Variants in ATF7IP observed in about 807,000 individuals in gnomAD.
The protein encoded by ATF7IP is activating transcription factor 7-interacting protein 1.
A neutral mutation model predicts 106.4 loss-of-function variants in ATF7IP; 23 were observed. The ratio of observed to expected loss-of-function variants is 0.22; its 90% CI spans 0.16 to 0.31. ATF7IP has a LOEUF of 0.31. Ranked by LOEUF, ATF7IP falls within the 10% of genes least tolerant of loss-of-function variation. ATF7IP has a pLI of 1.00. For missense variants in ATF7IP, 1,334 were observed against 1,524.3 expected (o/e 0.88, Z 2.08); for synonymous variants, 542 against 539.0 (o/e 1.01, Z -0.08).
chr12:14,460,793 G>A lies in ATF7IP; in HGVS notation c.2457G>A (p.Val819=). ...QPSGNVEFIS[V]QSPPTVSGLT... is the part of the protein sequence containing the mutation. ...CTGGCAATGTTGAATTCATTTCTGT[G>A]CAAAGCCCACCTACAGTGAGTGGTC... The change falls in exon 9 of 15, where the codon GTG becomes GTA. Residue 819 remains valine (V), a synonymous_variant. Coordinates refer to ENST00000261168, the MANE Select transcript of ATF7IP (RefSeq NM_018179.5). 1.9e-6 allele frequency: 3 copies of A among 1,614,160 alleles called. No individual in the cohort carries two copies. Among genetic ancestry groups the A allele is most frequent in the Non-Finnish European group, 2.5e-6 (3 of 1,180,026 alleles).
Position 14,461,008 on chromosome 12 carries a change from C to T in ATF7IP, c.2672C>T (p.Thr891Ile), listed in dbSNP as rs771579995. 1.2e-6 allele frequency: 2 copies of T among 1,614,174 alleles called. No individual in the cohort carries two copies. Among genetic ancestry groups the T allele is most frequent in the Admixed American group, 3.3e-5 (2 of 60,012 alleles). Reference sequence around the variant, plus strand: ...CAAGCCACAAGGACTTCTTTACCCACAGTGGGCCCATCAGGACTCTATAGT... The same window carrying T: ...CAAGCCACAAGGACTTCTTTACCCATAGTGGGCCCATCAGGACTCTATAGT... ...IVQATRTSLPTVGPSGLYSPS... is the reference protein window; with the variant it reads ...IVQATRTSLPIVGPSGLYSPS... Residue 891 changes from threonine to isoleucine, a missense_variant, in exon 9 of 15, where the codon ACA (threonine) becomes ATA (isoleucine). By Grantham distance (89) the Thr-to-Ile change is moderately conservative (BLOSUM62 -1). Coordinates refer to ENST00000261168, the MANE Select transcript of ATF7IP (RefSeq NM_018179.5).
chr12:14,396,733 A>G (rs1298623625), intron 1 of ATF7IP, among the ~76,000 whole-genome samples: 1 of 152,160 alleles, frequency 6.6e-6, no homozygotes, highest in Non-Finnish European at 1.5e-5. Context: ...ATATAGACAA[A>G]GAGAAAAAGA....
intron 1 of ATF7IP, chr12:14,385,260 C>A: frequency 1.4e-6 from 1 of 737,722 alleles, no homozygotes; most frequent in Non-Finnish European, 2.1e-6. Flanking sequence ...TTCTTGAGTG[C>A]ACATTGCAGC....
chr12:14,461,366 T>TA (rs1368593694), intron 9 of ATF7IP, among the ~76,000 whole-genome samples: 1 of 152,204 alleles, frequency 6.6e-6, no homozygotes, highest in African/African-American at 2.4e-5. Context: ...TATCTTTTAG[T>TA]AATTTTCCTA....
intron 1 of ATF7IP, among the ~76,000 whole-genome samples, chr12:14,422,911 G>A (rs1941610862): frequency 6.6e-6 from 1 of 152,130 alleles, no homozygotes; most frequent in African/African-American, 2.4e-5. Flanking sequence ...CTTGGGAAAT[G>A]AATGGAATGG....
At chr12:14,378,927 T>A (rs756342155) in intron 1 of ATF7IP, among the ~76,000 whole-genome samples, 13 of 152,208 alleles carry the variant, frequency 8.5e-5, no homozygotes, top group Non-Finnish European at 1.8e-4. Context: ...GCAGCAAAAA[T>A]CTTGACTCAC....
chr12:14,497,917 C>T lies in ATF7IP; in HGVS notation c.3657C>T (p.Val1219=). Reference sequence around the variant, plus strand: ...CACAATGGAAAAAGATTGGGGAAGTCAAGGCACTTCCCTTGCCCATGGCAT... The same window carrying T: ...CACAATGGAAAAAGATTGGGGAAGTTAAGGCACTTCCCTTGCCCATGGCAT... ...VPSQWKKIGE[V]KALPLPMACT... is the part of the protein sequence containing the mutation. The change falls in exon 15 of 15, where the codon GTC becomes GTT. Residue 1219 remains valine (V), a synonymous_variant. Coordinates refer to ENST00000261168, the MANE Select transcript of ATF7IP (RefSeq NM_018179.5). 5 of 1,614,200 alleles carry T rather than the reference C, an allele frequency of 3.1e-6. No individual in the cohort carries two copies. Among genetic ancestry groups the T allele is most frequent in the African/African-American group, 1.3e-5 (1 of 75,062 alleles).
chr12:14,446,166 G>T (rs1323362743), intron 5 of ATF7IP, among the ~76,000 whole-genome samples: 1 of 148,122 alleles, frequency 6.8e-6, no homozygotes, highest in Admixed American at 6.7e-5. Flanking sequence ...TTTTTTTTTT[G>T]AGACAGAGTC....
At chr12:14,394,652 T>C (rs2136443982) in intron 1 of ATF7IP, among the ~76,000 whole-genome samples, 1 of 152,344 alleles carries the variant, frequency 6.6e-6, no homozygotes, top group Non-Finnish European at 1.5e-5. Context: ...GTCATGGATT[T>C]TCTGTTTGGA....
intron 6 of ATF7IP, among the ~76,000 whole-genome samples, chr12:14,451,282 G>C (rs1326557088): frequency 2.0e-5 from 3 of 151,514 alleles, no homozygotes; most frequent in Non-Finnish European, 4.4e-5. Flanking sequence ...AAAGTCATCT[G>C]TTTTGTTAGT....
chr12:14,379,711 T>G lies in ATF7IP; in HGVS notation c.-8+13884T>G, dbSNP rs186544398. ...CTGGGTATAGAACTCTAGGTTGAAATTCTTTTCCTTCAGAATTTTAAAGAC... is the reference window on the plus strand; with the variant it reads ...CTGGGTATAGAACTCTAGGTTGAAAGTCTTTTCCTTCAGAATTTTAAAGAC... On this transcript the variant is annotated intron_variant, in intron 1 of 14. Coordinates refer to ENST00000261168, the MANE Select transcript of ATF7IP (RefSeq NM_018179.5). Among the ~76,000 whole-genome samples, 14 of 152,304 alleles carry G rather than the reference T, an allele frequency of 9.2e-5. No homozygotes were observed. In the South Asian group the frequency reaches 1.4e-3, roughly 16 times the overall value.
Position 14,424,857 on chromosome 12 carries a change from T to C in ATF7IP, c.942T>C (p.Asp314=). 1 of 1,612,206 alleles carries C rather than the reference T, an allele frequency of 6.2e-7. No individual in the cohort carries two copies. Among genetic ancestry groups the C allele is most frequent in the East Asian group, 2.2e-5 (1 of 44,874 alleles). The part of the protein sequence containing the change: ...DNIEPSSNKD[D]DFLEKNGADE... ...TAGAACCAAGTAGCAATAAAGATGA[T>C]GATTTTCTTGAAAAAAATGGAGCTG... The change falls in exon 2 of 15, where the codon GAT becomes GAC. Residue 314 remains aspartate, a synonymous_variant. Coordinates refer to ENST00000261168, the MANE Select transcript of ATF7IP (RefSeq NM_018179.5).
At chr12:14,490,025 C>T (rs1469993643) in intron 13 of ATF7IP, among the ~76,000 whole-genome samples, 5 of 152,208 alleles carry the variant, frequency 3.3e-5, no homozygotes, top group South Asian at 2.1e-4. Context: ...ATGGCATGCC[C>T]GAGCGAGGGC....
At chr12:14,374,310 T>C (rs892320040) in intron 1 of ATF7IP, among the ~76,000 whole-genome samples, 4 of 147,090 alleles carry the variant, frequency 2.7e-5, no homozygotes, top group African/African-American at 1.0e-4. Flanking sequence ...ATGGGGGTCT[T>C]GCCTTGTTGC....
intron 11 of ATF7IP, among the ~76,000 whole-genome samples, chr12:14,477,145 T>A (rs974370190): frequency 6.6e-6 from 1 of 152,200 alleles, no homozygotes; most frequent in African/African-American, 2.4e-5. Flanking sequence ...CTGAGTTACT[T>A]CTTATTATCT....
chr12:14,369,919 A>C (rs748644208), intron 1 of ATF7IP, among the ~76,000 whole-genome samples: 10 of 151,208 alleles, frequency 6.6e-5, no homozygotes, highest in Non-Finnish European at 1.2e-4. Context: ...ACACAATTTT[A>C]TGTAAGTCTG....
At chr12:14,428,245 G>A (rs192552350) in intron 2 of ATF7IP, among the ~76,000 whole-genome samples, 1 of 152,268 alleles carries the variant, frequency 6.6e-6, no homozygotes, top group East Asian at 1.9e-4. Flanking sequence ...TCCCACACAA[G>A]GCAGTTAAGT....
chr12:14,402,525 A>G (rs1224232247), intron 1 of ATF7IP, among the ~76,000 whole-genome samples: 1 of 150,730 alleles, frequency 6.6e-6, no homozygotes, highest in Non-Finnish European at 1.5e-5. Flanking sequence ...TTTTTTTTAC[A>G]TTGAGTCTTA....
intron 1 of ATF7IP, among the ~76,000 whole-genome samples, chr12:14,374,763 G>A (rs1271470388): frequency 3.9e-5 from 6 of 152,068 alleles, no homozygotes; most frequent in African/African-American, 1.4e-4. Context: ...TGGTTTTTGT[G>A]AATAAAAGTC....
Sources: gnomAD v4.1 joint callset for allele counts (sites outside exome capture counted in the v4.1 genomes callset) on GRCh38, gnomAD v4.1.1 for gene constraint, MANE v1.5 for transcripts, NCBI Gene and HGNC (gene_info 2026-07-23, HGNC 2026-07-21) for gene names.